The following DRP2 variants were observed in gnomAD, a reference collection of about 807,000 sequenced individuals.
DRP2 encodes the protein dystrophin related protein 2, also known as dystrophin-related protein 2.
In DRP2, 29 loss-of-function variants were observed where a neutral mutation model predicts 78.2. The ratio of observed to expected loss-of-function variants is 0.37; its 90% CI spans 0.28 to 0.51. The LOEUF (loss-of-function observed/expected upper bound fraction) is 0.51, where lower values mean the gene tolerates loss of function less well. Ranked by LOEUF, DRP2 falls within the 20% of genes least tolerant of loss-of-function variation. The probability of loss-of-function intolerance (pLI) is 0.94; values close to 1 mark genes in which losing one functional copy is unlikely to be tolerated. For missense variants in DRP2, 686 were observed against 770.6 expected, an observed-to-expected ratio of 0.89 and a Z score of 1.30; for synonymous variants, 290 against 281.9, an observed-to-expected ratio of 1.03 and a Z score of -0.29.
At chrX:101,238,673 G>A (rs988577771) in intron 5 of DRP2, among the ~76,000 whole-genome samples, 1 of 111,316 alleles carries the variant, frequency 9.0e-6, no homozygotes, top group African/African-American at 3.3e-5. Flanking sequence ...GCCTATCTTG[G>A]TTTTGATTTC....
chrX:101,260,132 G>A lies in DRP2; in HGVS notation c.2712G>A (p.Arg904=). Residue 904 remains arginine, a synonymous_variant, in exon 23 of 24, where the codon CGG becomes CGA. Coordinates refer to ENST00000395209, the MANE Select transcript of DRP2 (RefSeq NM_001939.3). ...AGCAGTCAGAAGGCAGTCACCCCCG[G>A]GAGAAGGGACAGACTACTCCAGATA... ...SPQQSEGSHP[R]EKGQTTPDTE... 2.5e-6 allele frequency: 3 copies of A among 1,211,348 alleles called. No individual in the cohort carries two copies. Among genetic ancestry groups the A allele is most frequent in the Non-Finnish European group, 3.4e-6 (3 of 895,368 alleles).
At chrX:101,244,478 T>C (rs1206236970) in intron 9 of DRP2, among the ~76,000 whole-genome samples, 1 of 111,482 alleles carries the variant, frequency 9.0e-6, no homozygotes, top group African/African-American at 3.3e-5. Context: ...CCATGTAAAC[T>C]GAGCCATTCG....
chrX:101,241,959 C>T, intron 7 of DRP2, 23 bp downstream of exon 7: 1 of 1,157,069 alleles, frequency 8.6e-7, no homozygotes, highest in African/African-American at 1.8e-5. Flanking sequence ...CCTCCCCTGA[C>T]TACAGTCTAC....
At chrX:101,222,035 C>A (rs57712057) in intron 1 of DRP2, among the ~76,000 whole-genome samples, 1,760 of 111,842 alleles carry the variant, frequency 0.016, 46 homozygotes, top group African/African-American at 0.054. Context: ...TTAATAGATT[C>A]TGTTTTAAAA....
intron 6 of DRP2, among the ~76,000 whole-genome samples, chrX:101,239,361 A>G (rs1166576125): frequency 8.9e-6 from 1 of 111,739 alleles, no homozygotes; most frequent in East Asian, 2.8e-4. Context: ...ATGTGTGGCC[A>G]TTTAATGAGA....
At chrX:101,235,475 A>G (rs1215334620) in intron 3 of DRP2, among the ~76,000 whole-genome samples, 1 of 112,696 alleles carries the variant, frequency 8.9e-6, no homozygotes. Context: ...CTGCAATGGT[A>G]TGGTTGCCCA....
intron 6 of DRP2, among the ~76,000 whole-genome samples, chrX:101,241,212 C>CCAA (rs1270661881): frequency 2.7e-5 from 3 of 111,962 alleles, no homozygotes; most frequent in African/African-American, 9.7e-5. Flanking sequence ...GATATATAAA[C>CCAA]CAACGCATGT....
chrX:101,249,649 C>T (rs751080737), intron 14 of DRP2, among the ~76,000 whole-genome samples: 2 of 111,372 alleles, frequency 1.8e-5, no homozygotes, highest in African/African-American at 6.5e-5. Flanking sequence ...ACCTATGATT[C>T]TACAACTAGG....
chrX:101,236,787 C>A (rs1356880659), intron 4 of DRP2, among the ~76,000 whole-genome samples: 1 of 112,166 alleles, frequency 8.9e-6, no homozygotes, highest in Non-Finnish European at 1.9e-5. Flanking sequence ...AACCTACTTA[C>A]CCTTTCTGGG....
In DRP2 at chrX:101,251,008, G is replaced by A. The variant is rs1923123974; in HGVS notation, c.1790G>A (p.Arg597Gln). The change falls in exon 16 of 24, where the codon CGG becomes CAG. Residue 597 changes from arginine (R) to glutamine (Q), a missense_variant. This residue lies in a region of DRP2 where 423 missense variants were observed against 531.5 expected (regional missense o/e 0.80). Coordinates refer to ENST00000395209, the MANE Select transcript of DRP2 (RefSeq NM_001939.3). Reference protein sequence around the residue: ...QSMVWLAVLHRVTIAEQVKHQ... With the variant: ...QSMVWLAVLHQVTIAEQVKHQ... ...ATGGTGTGGCTGGCTGTTCTGCATC[G>A]GGTCACCATTGCTGAGCAAGTGAAG... 4.1e-6 allele frequency: 5 copies of A among 1,211,840 alleles called. No homozygotes were observed. The highest frequency in any genetic ancestry group is 5.6e-6 in the Non-Finnish European group (5 of 895,510).
At chrX:101,222,238 T>C (rs1052750089) in intron 1 of DRP2, among the ~76,000 whole-genome samples, 2 of 111,801 alleles carry the variant, frequency 1.8e-5, no homozygotes, top group African/African-American at 6.5e-5. Context: ...CCCAGACTGG[T>C]TTGACCAGGG....
intron 20 of DRP2, 142 bp from the exon 21 acceptor site, chrX:101,255,976 G>A: frequency 1.4e-6 from 1 of 737,974 alleles, no homozygotes; most frequent in East Asian, 3.8e-5. Context: ...TCCCTCTCAA[G>A]CCTCAGTATA....
rs189659329 is a variant in DRP2, at chrX:101,238,757, C to T, written c.439-224C>T. Among the ~76,000 whole-genome samples, 315 of 111,670 alleles carry T rather than the reference C, an allele frequency of 2.8e-3. 1 individual carries two copies. The highest frequency in any genetic ancestry group is 9.8e-3 in the African/African-American group (302 of 30,733). ...CCCCACATTTTTCTCTATCCTGTGG[C>T]ATAGACAGACAAATTTCATACTAAA... On this transcript the variant is annotated intron_variant, in intron 5 of 23. Coordinates refer to ENST00000395209, the MANE Select transcript of DRP2 (RefSeq NM_001939.3).
chrX:101,240,432 C>T (rs1374797698), intron 6 of DRP2, among the ~76,000 whole-genome samples: 3 of 112,591 alleles, frequency 2.7e-5, no homozygotes, highest in South Asian at 3.7e-4. Context: ...GACCAGGTCT[C>T]GCCATGTTGG....
At chrX:101,241,464 A>AG (rs1922721947) in intron 6 of DRP2, among the ~76,000 whole-genome samples, 2 of 106,982 alleles carry the variant, frequency 1.9e-5, no homozygotes, top group Non-Finnish European at 3.8e-5. Flanking sequence ...AAAAATAAAC[A>AG]GTTTTTTTTT....
At chrX:101,224,112 A>G (rs2147326368) in intron 1 of DRP2, among the ~76,000 whole-genome samples, 1 of 106,543 alleles carries the variant, frequency 9.4e-6, no homozygotes, top group Admixed American at 1.0e-4. Context: ...TTCTTTACAG[A>G]ACCTCTACAT....
At chrX:101,250,305 G>C in intron 14 of DRP2, 118 bp from the exon 15 acceptor site, 1 of 1,025,629 alleles carries the variant, frequency 9.8e-7, no homozygotes, top group Non-Finnish European at 1.3e-6. Flanking sequence ...AGTCCAGTTT[G>C]AAAAGTCATT....
In DRP2 at chrX:101,247,077, C is replaced by A; in HGVS notation, c.1178-13C>A. On this transcript the variant is annotated splice_polypyrimidine_tract_variant and intron_variant, in intron 11 of 23. Transcript: ENST00000395209. Reference sequence around the variant, plus strand: ...TTTTCTGATCTGAGTGGGTCTCTCTCCATTCTTTGCAGCTGATCTGAACAA... The same window carrying A: ...TTTTCTGATCTGAGTGGGTCTCTCTACATTCTTTGCAGCTGATCTGAACAA... The A allele has an allele frequency of 8.3e-7, 1 of 1,207,056 alleles. No individual in the cohort carries two copies. The highest frequency in any genetic ancestry group is 1.1e-6 in the Non-Finnish European group (1 of 892,977).
At chrX:101,251,184 TAC>T in intron 16 of DRP2, 101 bp downstream of exon 16, 8 of 787,017 alleles carry the variant, frequency 1.0e-5, no homozygotes, top group Non-Finnish European at 1.4e-5. Flanking sequence ...ATTATATAAT[TAC>T]AGCTAGTCTA....
Sources: gnomAD v4.1 joint callset for allele counts (sites outside exome capture counted in the v4.1 genomes callset) on GRCh38, gnomAD v4.1.1 for gene constraint, gnomAD v4.1.1 regional missense constraint, MANE v1.5 for transcripts, NCBI Gene and HGNC (gene_info 2026-07-23, HGNC 2026-07-21) for gene names.